EBF1: variants seen among roughly 807,000 people sequenced by gnomAD.
EBF1 encodes the protein EBF transcription factor 1.
Under a neutral mutation model 68.4 loss-of-function variants are expected in EBF1, and 10 were observed. The ratio of observed to expected loss-of-function variants is 0.15; its 90% confidence interval spans 0.09 to 0.25. The LOEUF is 0.25. Ranked by LOEUF, EBF1 falls within the 10% of genes least tolerant of loss-of-function variation. The pLI is 1.00. For synonymous variants in EBF1, 298 were observed against 299.8 expected (o/e 0.99, Z 0.06); for missense variants, 509 against 794.4 (o/e 0.64, Z 4.32).
intron 6 of EBF1, among the ~76,000 whole-genome samples, chr5:158,967,661 C>A (rs1365155640): frequency 1.3e-5 from 2 of 152,244 alleles, no homozygotes; most frequent in South Asian, 4.1e-4. Context: ...GAAAGAACTG[C>A]GTGAGGTGGT....
intron 6 of EBF1, among the ~76,000 whole-genome samples, chr5:158,910,379 T>C (rs891920989): frequency 6.6e-6 from 1 of 152,248 alleles, no homozygotes; most frequent in Admixed American, 6.5e-5. Context: ...TTTCCATTAA[T>C]GGTACTTAGA....
chr5:158,791,553 T>C (rs1282001886), intron 9 of EBF1, among the ~76,000 whole-genome samples: 1 of 151,890 alleles, frequency 6.6e-6, no homozygotes, highest in Non-Finnish European at 1.5e-5. Context: ...TATTATTCTC[T>C]GCTCCCCACG....
intron 6 of EBF1, among the ~76,000 whole-genome samples, chr5:159,043,064 G>A (rs1771574921): frequency 6.6e-6 from 1 of 152,096 alleles, no homozygotes; most frequent in Non-Finnish European, 1.5e-5. Context: ...ATTGAATCAG[G>A]TACCTATAGA....
At chr5:158,705,339 T>C (rs942899154) in intron 15 of EBF1, among the ~76,000 whole-genome samples, 7 of 152,026 alleles carry the variant, frequency 4.6e-5, no homozygotes, top group African/African-American at 1.7e-4. Flanking sequence ...TAGGGGAAAA[T>C]CCAAAAAAGT....
intron 10 of EBF1, among the ~76,000 whole-genome samples, chr5:158,758,770 G>T (rs1770715582): frequency 6.6e-6 from 1 of 152,072 alleles, no homozygotes; most frequent in Non-Finnish European, 1.5e-5. Context: ...CCCAAACATG[G>T]CGTGGTTATT....
chr5:159,010,668 G>A (rs994384808), intron 6 of EBF1, among the ~76,000 whole-genome samples: 2 of 152,186 alleles, frequency 1.3e-5, no homozygotes, highest in Non-Finnish European at 2.9e-5. Context: ...CATTCAAGAT[G>A]GCACCATCAG....
At chr5:158,987,499 G>C (rs1049581872) in intron 6 of EBF1, among the ~76,000 whole-genome samples, 3 of 152,188 alleles carry the variant, frequency 2.0e-5, no homozygotes, top group Non-Finnish European at 4.4e-5. Flanking sequence ...AATACAAGGA[G>C]GTAGGCAGGG....
At chr5:158,738,560 G>A (rs1253859612) in intron 10 of EBF1, among the ~76,000 whole-genome samples, 2 of 152,124 alleles carry the variant, frequency 1.3e-5, no homozygotes, top group African/African-American at 2.4e-5. Flanking sequence ...CATACCCTGA[G>A]GTCATATAAG....
intron 1 of EBF1, chr5:159,097,684 G>A (rs2128012606): frequency 4.3e-6 from 1 of 234,380 alleles, no homozygotes; most frequent in East Asian, 6.0e-5. Flanking sequence ...AAAGCATGTG[G>A]AGAAGGGTCC....
intron 14 of EBF1, among the ~76,000 whole-genome samples, chr5:158,708,893 T>C (rs1758508086): frequency 6.6e-6 from 1 of 152,144 alleles, no homozygotes; most frequent in South Asian, 2.1e-4. Context: ...AGCAGTAGGA[T>C]CAGAGCCTTA....
chr5:158,967,077 A>G (rs1177758612), intron 6 of EBF1, among the ~76,000 whole-genome samples: 1 of 151,692 alleles, frequency 6.6e-6, no homozygotes, highest in Non-Finnish European at 1.5e-5. Flanking sequence ...AAACCTTTTC[A>G]GGAAATAAGA....
At chr5:158,938,101 T>A (rs1479934458) in intron 6 of EBF1, among the ~76,000 whole-genome samples, 2 of 152,228 alleles carry the variant, frequency 1.3e-5, no homozygotes, top group Admixed American at 6.5e-5. Context: ...AATCTTGATA[T>A]TTTTGTTTTG....
At chr5:158,713,510 GT>G (rs1759931422) in intron 12 of EBF1, among the ~76,000 whole-genome samples, 1 of 152,146 alleles carries the variant, frequency 6.6e-6, no homozygotes, top group African/African-American at 2.4e-5. Context: ...CCAATAACAT[GT>G]AGGAAGTCTG....
At chr5:158,899,272 C>A (rs1558611) in intron 6 of EBF1, among the ~76,000 whole-genome samples, 2 of 152,130 alleles carry the variant, frequency 1.3e-5, no homozygotes, top group African/African-American at 4.8e-5. Flanking sequence ...ATGGCTAAAA[C>A]CATCCTAGAT....
intron 4 of EBF1, among the ~76,000 whole-genome samples, chr5:159,094,026 T>C (rs1782098683): frequency 7.1e-6 from 1 of 140,842 alleles, no homozygotes; most frequent in South Asian, 2.2e-4. Flanking sequence ...TTTCCTGTAA[T>C]GAGAATGGCA....
At chr5:159,095,773 C>A (rs1299730741) in intron 3 of EBF1, 98 bp from the exon 4 acceptor site, 2 of 1,282,232 alleles carry the variant, frequency 1.6e-6, no homozygotes, top group African/African-American at 3.0e-5. Flanking sequence ...CAACAAAACC[C>A]CCACACACAT....
chr5:158,966,889 T>A (rs138754813), intron 6 of EBF1, among the ~76,000 whole-genome samples: 1 of 152,304 alleles, frequency 6.6e-6, no homozygotes, highest in African/African-American at 2.4e-5. Context: ...CCAAGAAATC[T>A]CCAAAGAGAA....
intron 6 of EBF1, among the ~76,000 whole-genome samples, chr5:159,045,939 C>G (rs1005382019): frequency 6.6e-6 from 1 of 152,168 alleles, no homozygotes; most frequent in Admixed American, 6.5e-5. Context: ...CTCAGCTCCC[C>G]ATAGCCTATC....
At chr5:159,057,320 T>A (rs964944114) in intron 6 of EBF1, among the ~76,000 whole-genome samples, 20 of 152,180 alleles carry the variant, frequency 1.3e-4, no homozygotes, top group African/African-American at 4.8e-4. Context: ...TTGGCCAGGC[T>A]GGTCTCGAAC....
Sources: gnomAD v4.1 joint callset for allele counts (sites outside exome capture counted in the v4.1 genomes callset) on GRCh38, gnomAD v4.1.1 for gene constraint, MANE v1.5 for transcripts, NCBI Gene and HGNC (gene_info 2026-07-23, HGNC 2026-07-21) for gene names.